Variants in RBFOX1 observed in about 807,000 individuals in gnomAD.
RBFOX1 encodes the protein RNA binding fox-1 homolog 1, also known as RNA binding protein fox-1 homolog 1.
In RBFOX1, 8 loss-of-function variants were observed where a neutral mutation model predicts 57.7. That is an observed-to-expected ratio of 0.14 (90% CI 0.08 to 0.25). RBFOX1 has a LOEUF of 0.25. Ranked by LOEUF, RBFOX1 falls within the 10% of genes least tolerant of loss-of-function variation. RBFOX1 has a pLI of 1.00. For missense variants in RBFOX1, 611 were observed against 548.5 expected (o/e 1.11, Z -1.14); for synonymous variants, 326 against 222.4 (o/e 1.47, Z -4.15).
chr16:5,831,068 G>T (rs1433556464), intron 3 of RBFOX1, among the ~76,000 whole-genome samples: 1 of 152,138 alleles, frequency 6.6e-6, no homozygotes, highest in Non-Finnish European at 1.5e-5. Context: ...CTTACCCACA[G>T]GGATACGAGC....
chr16:7,161,654 G>A (rs542627702), intron 4 of RBFOX1, among the ~76,000 whole-genome samples: 1 of 152,158 alleles, frequency 6.6e-6, no homozygotes, highest in African/African-American at 2.4e-5. Context: ...GTAAGGAAGA[G>A]GATCAGGTTC....
At chr16:6,679,392 A>T (rs1039761131) in intron 3 of RBFOX1, among the ~76,000 whole-genome samples, 1 of 152,048 alleles carries the variant, frequency 6.6e-6, no homozygotes, top group African/African-American at 2.4e-5. Context: ...TTGGTGATGG[A>T]AAGGGGAGAC....
intron 1 of RBFOX1, among the ~76,000 whole-genome samples, chr16:6,211,254 A>C (rs1598400166): frequency 1.1e-5 from 1 of 92,704 alleles, no homozygotes; most frequent in Admixed American, 1.7e-4. Flanking sequence ...TTTGGGATGG[A>C]GTCTCGCTTT....
chr16:6,646,966 C>T (rs368532816), intron 2 of RBFOX1, among the ~76,000 whole-genome samples: 2 of 152,280 alleles, frequency 1.3e-5, no homozygotes, highest in South Asian at 2.1e-4. Flanking sequence ...GTCTGGGAAC[C>T]TTGTCTTAGT....
chr16:7,124,487 C>A (rs2067937273), intron 4 of RBFOX1, among the ~76,000 whole-genome samples: 1 of 148,692 alleles, frequency 6.7e-6, no homozygotes, highest in African/African-American at 2.5e-5. Context: ...CAACCATCCT[C>A]CCTCCCTTCC....
chr16:5,330,468 C>G (rs1005780648), intron 1 of RBFOX1, among the ~76,000 whole-genome samples: 1 of 151,994 alleles, frequency 6.6e-6, no homozygotes, highest in Non-Finnish European at 1.5e-5. Context: ...AATGGCATGA[C>G]CTCGGCTCAC....
intron 1 of RBFOX1, among the ~76,000 whole-genome samples, chr16:5,373,987 G>A (rs58041205): frequency 0.011 from 1,734 of 152,260 alleles, 37 homozygotes; most frequent in African/African-American, 0.039. Flanking sequence ...GTGCGATCTC[G>A]GCTCACTGCA....
intron 2 of RBFOX1, among the ~76,000 whole-genome samples, chr16:5,553,777 C>T (rs181862267): frequency 3.9e-4 from 53 of 137,640 alleles, no homozygotes; most frequent in Non-Finnish European, 6.8e-4. Flanking sequence ...AACCTCATAC[C>T]ACAATATTGA....
chr16:6,565,853 G>A (rs1401500406), intron 2 of RBFOX1, among the ~76,000 whole-genome samples: 9 of 152,188 alleles, frequency 5.9e-5, no homozygotes, highest in Admixed American at 5.9e-4. Flanking sequence ...TATCAATCAG[G>A]GTAAGACAGG....
At chr16:7,099,653 T>C (rs1410784099) in intron 4 of RBFOX1, among the ~76,000 whole-genome samples, 1 of 152,096 alleles carries the variant, frequency 6.6e-6, no homozygotes, top group Admixed American at 6.6e-5. Flanking sequence ...TTTATACATT[T>C]AGGGAGACAT....
At chr16:7,525,765 C>A (rs762969749) in intron 5 of RBFOX1, among the ~76,000 whole-genome samples, 1 of 152,140 alleles carries the variant, frequency 6.6e-6, no homozygotes, top group East Asian at 1.9e-4. Flanking sequence ...CTCTTTTGGT[C>A]GCCATCTTGT....
At chr16:5,784,596 A>G (rs544954061) in intron 3 of RBFOX1, among the ~76,000 whole-genome samples, 1 of 152,300 alleles carries the variant, frequency 6.6e-6, no homozygotes, top group East Asian at 1.9e-4. Flanking sequence ...TTCCATCCCC[A>G]TGATTCGCTC....
chr16:7,496,840 C>G (rs1467815413), intron 4 of RBFOX1, among the ~76,000 whole-genome samples: 1 of 150,346 alleles, frequency 6.7e-6, no homozygotes, highest in Non-Finnish European at 1.5e-5. Flanking sequence ...TATTTAAATA[C>G]AAGTTTAAAA....
At position 6,501,099 on chromosome 16, in the gene RBFOX1, G is replaced by C. The variant is rs550586169; in HGVS notation, c.-63-153504G>C. Among the ~76,000 whole-genome samples, 7 of 143,032 alleles carry C rather than the reference G, an allele frequency of 4.9e-5. No individual in the cohort carries two copies. The South Asian group carries it at 1.4e-3, about 28-fold the overall frequency. The allele number at this position is 143,032 out of a possible 152,430, so 93.8% of individuals were successfully genotyped here. A position where few individuals can be genotyped will look rare whatever the true frequency, so the allele number is the denominator to read the frequency against. ...GCTTGATGAGTTCAGAGGTCTTTCT[G>C]CTGAGCCTCTTTGTCTTGCCAGTTA... On this transcript the variant is annotated intron_variant, in intron 2 of 15. Transcript: ENST00000550418.
chr16:6,256,161 A>ATG (rs1555582181), intron 1 of RBFOX1, among the ~76,000 whole-genome samples: 18 of 14,960 alleles, frequency 1.2e-3, no homozygotes, highest in East Asian at 2.8e-3. Context: ...ATATATATGT[A>ATG]TATATATATG....
At chr16:6,258,463 G>A (rs1315477268) in intron 1 of RBFOX1, among the ~76,000 whole-genome samples, 3 of 152,220 alleles carry the variant, frequency 2.0e-5, no homozygotes, top group African/African-American at 4.8e-5. Flanking sequence ...TGCATGTACC[G>A]ATGAATTTTA....
chr16:5,867,747 T>A (rs2057377128), intron 4 of RBFOX1, among the ~76,000 whole-genome samples: 1 of 152,188 alleles, frequency 6.6e-6, no homozygotes, highest in Non-Finnish European at 1.5e-5. Flanking sequence ...AGTCTCACTC[T>A]GTTGCCCAGG....
chr16:7,062,141 C>T (rs2054504658), intron 4 of RBFOX1, among the ~76,000 whole-genome samples: 3 of 151,606 alleles, frequency 2.0e-5, no homozygotes, highest in African/African-American at 4.8e-5. Context: ...CACGGTGAAA[C>T]CCCATCTCTA....
At chr16:5,304,996 T>C (rs1217099131) in intron 1 of RBFOX1, among the ~76,000 whole-genome samples, 1 of 152,212 alleles carries the variant, frequency 6.6e-6, no homozygotes, top group Non-Finnish European at 1.5e-5. Flanking sequence ...GTCTTTTGCT[T>C]ATTGCCTTGG....
Sources: allele counts gnomAD v4.1 joint callset (sites outside exome capture counted in the v4.1 genomes callset), GRCh38; gene constraint gnomAD v4.1.1; transcripts MANE v1.5; gene names NCBI Gene and HGNC (gene_info 2026-07-23, HGNC 2026-07-21).